Variants in KCNMB2 observed in about 807,000 individuals in gnomAD.
KCNMB2 encodes the protein potassium calcium-activated channel subfamily M regulatory beta subunit 2.
Under a neutral mutation model 24.5 loss-of-function variants are expected in KCNMB2, and 9 were observed. The observed-to-expected ratio is 0.37, with a 90% CI of 0.22 to 0.64. The LOEUF (loss-of-function observed/expected upper bound fraction) is 0.64. KCNMB2 is among the 30% of genes least tolerant of loss of function. The pLI, the probability that KCNMB2 is intolerant of heterozygous loss-of-function variation, is 0.63. For missense variants in KCNMB2, 226 were observed against 284.3 expected (o/e 0.79, Z 1.47); for synonymous variants, 109 against 104.4 (o/e 1.04, Z -0.27).
intron 1 of KCNMB2, among the ~76,000 whole-genome samples, chr3:178,758,561 GAT>G (rs754815380): frequency 0.025 from 417 of 16,972 alleles, 33 homozygotes; most frequent in African/African-American, 0.07. Flanking sequence ...TCCAAGAGGA[GAT>G]ATATATATAT....
chr3:178,731,354 G>A (rs116794612), intron 1 of KCNMB2, among the ~76,000 whole-genome samples: 4,028 of 152,168 alleles, frequency 0.026, 81 homozygotes, highest in Non-Finnish European at 0.038. Context: ...CCAACATTTC[G>A]GGCTAGATAA....
intron 1 of KCNMB2, among the ~76,000 whole-genome samples, chr3:178,802,754 A>C (rs1713821160): frequency 6.6e-6 from 1 of 152,152 alleles, no homozygotes; most frequent in South Asian, 2.1e-4. Context: ...CAGAGGCACT[A>C]TCTTTATGTC....
intron 1 of KCNMB2, among the ~76,000 whole-genome samples, chr3:178,637,494 T>C (rs1719570754): frequency 6.6e-6 from 1 of 152,208 alleles, no homozygotes; most frequent in Non-Finnish European, 1.5e-5. Flanking sequence ...AGGTTCTTCA[T>C]TAGTATCTAA....
chr3:178,554,704 T>C (rs1314753175), intron 1 of KCNMB2, among the ~76,000 whole-genome samples: 1 of 152,212 alleles, frequency 6.6e-6, no homozygotes, highest in Non-Finnish European at 1.5e-5. Flanking sequence ...ATGAAATAAG[T>C]ATAATTTACA....
At chr3:178,627,941 C>T (rs1311860911) in intron 1 of KCNMB2, among the ~76,000 whole-genome samples, 1 of 152,130 alleles carries the variant, frequency 6.6e-6, no homozygotes, top group Non-Finnish European at 1.5e-5. Flanking sequence ...GCTAAAGAGG[C>T]AGCTGTAATT....
At chr3:178,736,984 T>C (rs1236944804) in intron 1 of KCNMB2, among the ~76,000 whole-genome samples, 1 of 152,128 alleles carries the variant, frequency 6.6e-6, no homozygotes, top group African/African-American at 2.4e-5. Context: ...ACAATAGCAT[T>C]ATGGGCCAGA....
chr3:178,557,350 C>T (rs778337802), intron 1 of KCNMB2, among the ~76,000 whole-genome samples: 4 of 151,906 alleles, frequency 2.6e-5, no homozygotes, highest in Non-Finnish European at 5.9e-5. Context: ...ACCGGGGTGG[C>T]GGAGTAAGAA....
chr3:178,653,661 T>C (rs1207239104), intron 1 of KCNMB2, among the ~76,000 whole-genome samples: 2 of 152,122 alleles, frequency 1.3e-5, no homozygotes, highest in African/African-American at 4.8e-5. Flanking sequence ...ACAATTGATA[T>C]AATTAAATAA....
chr3:178,630,443 A>G (rs1224275758), intron 1 of KCNMB2, among the ~76,000 whole-genome samples: 1 of 152,250 alleles, frequency 6.6e-6, no homozygotes, highest in African/African-American at 2.4e-5. Flanking sequence ...AAGGTCATGG[A>G]CTGTCAAGTT....
Position 178,586,538 on chromosome 3 carries a change from C to CTTTTTTTTTTT in KCNMB2, c.-68+49842_-68+49852dup, listed in dbSNP as rs10677144. ...ATTTTCTTTTCTTTTTTTTTTCTTT[C>CTTTTTTTTTTT]TTTTTTTTTTTTTTTTTTTTTTTTT... On this transcript the variant is annotated intron_variant, in intron 1 of 4. Coordinates refer to ENST00000452583, the MANE Select transcript of KCNMB2 (RefSeq NM_181361.3). Among the ~76,000 whole-genome samples the CTTTTTTTTTTT allele has an allele frequency of 2.6e-4, 18 of 68,498 alleles. 2 individuals carry two copies. The highest frequency in any genetic ancestry group is 6.6e-4 in the South Asian group (1 of 1,520). The allele number at this position is 68,498 out of a possible 152,430, so 44.9% of individuals were successfully genotyped here.
chr3:178,632,701 C>G (rs921285037), intron 1 of KCNMB2, among the ~76,000 whole-genome samples: 1 of 151,866 alleles, frequency 6.6e-6, no homozygotes, highest in Non-Finnish European at 1.5e-5. Flanking sequence ...CTTGGCCCCT[C>G]CCAAATCTCA....
At chr3:178,803,674 C>T (rs991363667) in intron 1 of KCNMB2, among the ~76,000 whole-genome samples, 2 of 152,074 alleles carry the variant, frequency 1.3e-5, no homozygotes, top group African/African-American at 4.8e-5. Context: ...TTTGCCTTGC[C>T]TTAGCAGAAG....
chr3:178,784,800 T>C (rs1475290566), intron 1 of KCNMB2, among the ~76,000 whole-genome samples: 1 of 151,246 alleles, frequency 6.6e-6, no homozygotes, highest in Non-Finnish European at 1.5e-5. Context: ...TTTATCTGCT[T>C]AGTGTCTTTT....
intron 2 of KCNMB2, among the ~76,000 whole-genome samples, chr3:178,817,159 T>A (rs1276441134): frequency 6.8e-6 from 1 of 147,598 alleles, no homozygotes; most frequent in Non-Finnish European, 1.5e-5. Flanking sequence ...GTCCCATGAA[T>A]TAATACGTTG....
chr3:178,642,578 GAGA>G (rs1719765436), intron 1 of KCNMB2, among the ~76,000 whole-genome samples: 1 of 152,182 alleles, frequency 6.6e-6, no homozygotes, highest in Admixed American at 6.5e-5. Context: ...GCAAGTTAGG[GAGA>G]AGATGTTCTG....
At chr3:178,765,843 A>AT (rs1451490777) in intron 1 of KCNMB2, among the ~76,000 whole-genome samples, 1 of 152,100 alleles carries the variant, frequency 6.6e-6, no homozygotes, top group Non-Finnish European at 1.5e-5. Context: ...ACCCATCTCT[A>AT]TTATCATCAC....
At chr3:178,572,017 C>G (rs1217394055) in intron 1 of KCNMB2, among the ~76,000 whole-genome samples, 1 of 152,122 alleles carries the variant, frequency 6.6e-6, no homozygotes, top group African/African-American at 2.4e-5. Flanking sequence ...CTTTGTTTCC[C>G]ACTCTGTAAA....
intron 1 of KCNMB2, among the ~76,000 whole-genome samples, chr3:178,785,338 A>T (rs1030792041): frequency 1.6e-4 from 24 of 152,034 alleles, no homozygotes; most frequent in African/African-American, 5.3e-4. Flanking sequence ...AATACAATTT[A>T]AAATACACAT....
In KCNMB2 at chr3:178,678,674, C is replaced by T. The variant is rs574125520; in HGVS notation, c.-67-128669C>T. Reference sequence around the variant, plus strand: ...ATGACTTCACCTATTGGGGATGCTGCTGTATCCAAAAGAGAAAGAACAGAA... The same window carrying T: ...ATGACTTCACCTATTGGGGATGCTGTTGTATCCAAAAGAGAAAGAACAGAA... On this transcript the variant is annotated intron_variant, in intron 1 of 4. Transcript: ENST00000452583. Among the ~76,000 whole-genome samples, 23 of 152,284 alleles carry T rather than the reference C, an allele frequency of 1.5e-4. No individual in the cohort carries two copies. The South Asian group carries it at 4.8e-3, about 32-fold the overall frequency.
Sources: gnomAD v4.1 joint callset for allele counts (sites outside exome capture counted in the v4.1 genomes callset) on GRCh38, gnomAD v4.1.1 for gene constraint, MANE v1.5 for transcripts, NCBI Gene and HGNC (gene_info 2026-07-23, HGNC 2026-07-21) for gene names.